GRB10: variants seen among roughly 807,000 people sequenced by gnomAD.
GRB10 encodes growth factor receptor bound protein 10, also known as growth factor receptor-bound protein 10.
In GRB10, 20 loss-of-function variants were observed where a neutral mutation model predicts 80.9. That is an observed-to-expected ratio of 0.25 (90% CI 0.17 to 0.36). The LOEUF (loss-of-function observed/expected upper bound fraction) is 0.36. GRB10 is among the 10% of genes least tolerant of loss of function. The pLI, the probability that GRB10 is intolerant of heterozygous loss-of-function variation, is 1.00. For missense variants in GRB10, 548 were observed against 747.7 expected (o/e 0.73, Z 3.12); for synonymous variants, 291 against 291.5 (o/e 1.00, Z 0.02).
At chr7:50,605,513 C>A in intron 14 of GRB10, 107 bp from the exon 15 acceptor site, 1 of 928,348 alleles carries the variant, frequency 1.1e-6, no homozygotes. Context: ...CAGGGAATGC[C>A]TGCTTTCTAC....
At chr7:50,708,356 G>A (rs967723076) in intron 4 of GRB10, among the ~76,000 whole-genome samples, 20 of 152,144 alleles carry the variant, frequency 1.3e-4, no homozygotes, top group African/African-American at 4.8e-4. Context: ...AAGATTTCAT[G>A]GTATGACAAA....
chr7:50,598,250 A>G (rs2046997793), intron 17 of GRB10, among the ~76,000 whole-genome samples: 1 of 152,250 alleles, frequency 6.6e-6, no homozygotes, highest in South Asian at 2.1e-4. Flanking sequence ...AATACAAGGT[A>G]GCTTGAAATA....
chr7:50,606,011 C>G (rs925247863), intron 14 of GRB10, among the ~76,000 whole-genome samples: 27 of 152,166 alleles, frequency 1.8e-4, no homozygotes, highest in African/African-American at 6.0e-4. Flanking sequence ...GTTTAAGGAA[C>G]AAAAGCGAAA....
intron 7 of GRB10, among the ~76,000 whole-genome samples, chr7:50,657,621 A>C (rs1042115980): frequency 6.6e-6 from 1 of 152,244 alleles, no homozygotes; most frequent in Non-Finnish European, 1.5e-5. Context: ...CTCTGTTGTA[A>C]GATGACAGCG....
At chr7:50,714,028 C>A (rs150455415) in intron 4 of GRB10, among the ~76,000 whole-genome samples, 26 of 152,070 alleles carry the variant, frequency 1.7e-4, no homozygotes, top group African/African-American at 6.3e-4. Context: ...ATCTCTATAT[C>A]CTCCTCCCCC....
intron 3 of GRB10, among the ~76,000 whole-genome samples, chr7:50,755,117 G>A (rs1015200825): frequency 1.3e-5 from 2 of 152,214 alleles, no homozygotes; most frequent in Non-Finnish European, 1.5e-5. Flanking sequence ...GCCAGTCTGC[G>A]GGATACTGCG....
chr7:50,766,493 A>AG (rs1364529213), intron 2 of GRB10, among the ~76,000 whole-genome samples: 1 of 152,216 alleles, frequency 6.6e-6, no homozygotes, highest in Non-Finnish European at 1.5e-5. Flanking sequence ...TTTAAAAAAA[A>AG]GGGGCGGGTT....
intron 12 of GRB10, among the ~76,000 whole-genome samples, chr7:50,613,408 A>G (rs746011704): frequency 2.0e-5 from 3 of 152,098 alleles, no homozygotes; most frequent in African/African-American, 2.4e-5. Context: ...GGAGAATGAG[A>G]CAGAAGGGGA....
intron 7 of GRB10, among the ~76,000 whole-genome samples, chr7:50,639,600 G>A (rs904821910): frequency 1.3e-5 from 2 of 152,076 alleles, no homozygotes; most frequent in Non-Finnish European, 2.9e-5. Flanking sequence ...GTGAACCGGG[G>A]AGGCGGAGCT....
chr7:50,713,821 TCCA>T (rs1328003516), intron 4 of GRB10, among the ~76,000 whole-genome samples: 2 of 138,072 alleles, frequency 1.4e-5, no homozygotes, highest in Non-Finnish European at 3.2e-5. Flanking sequence ...TTCCACCATC[TCCA>T]CCATCACCTC....
At chr7:50,731,644 T>C (rs1400826806) in intron 4 of GRB10, among the ~76,000 whole-genome samples, 1 of 152,194 alleles carries the variant, frequency 6.6e-6, no homozygotes, top group African/African-American at 2.4e-5. Context: ...AAATAAAATC[T>C]GTTTCAGAAG....
At chr7:50,598,752 G>A (rs2153563511) in intron 17 of GRB10, among the ~76,000 whole-genome samples, 1 of 152,348 alleles carries the variant, frequency 6.6e-6, no homozygotes, top group Non-Finnish European at 1.5e-5. Flanking sequence ...TGCTATGTGA[G>A]TCCTGGGGAT....
At chr7:50,683,168 C>T (rs957551709) in intron 5 of GRB10, among the ~76,000 whole-genome samples, 8 of 152,142 alleles carry the variant, frequency 5.3e-5, no homozygotes, top group Admixed American at 1.3e-4. Flanking sequence ...GCCTCTGAAA[C>T]GCACTAGAAC....
intron 5 of GRB10, among the ~76,000 whole-genome samples, chr7:50,700,282 CTATTT>C (rs1456746360): frequency 1.3e-5 from 2 of 152,140 alleles, no homozygotes; most frequent in Admixed American, 6.5e-5. Context: ...CTTCAAGAGT[CTATTT>C]TGTTTTTACA....
chr7:50,592,936 G>T lies in GRB10; in HGVS notation c.*16C>A, dbSNP rs576031631. 1.2e-6 allele frequency: 2 copies of T among 1,613,616 alleles called. No homozygotes were observed. The highest frequency in any genetic ancestry group is 8.5e-7 in the Non-Finnish European group (1 of 1,179,676). On this transcript the variant is annotated 3_prime_UTR_variant, in exon 19 of 19. Transcript: ENST00000401949. ...TGTTCACTTCCTCCAGTCTTCAGCCGAGAGGACATCTGCGGTCATAAGGCC... is the reference window on the plus strand; with the variant it reads ...TGTTCACTTCCTCCAGTCTTCAGCCTAGAGGACATCTGCGGTCATAAGGCC...
At chr7:50,723,863 G>C (rs948454648) in intron 4 of GRB10, among the ~76,000 whole-genome samples, 2 of 152,236 alleles carry the variant, frequency 1.3e-5, no homozygotes, top group Non-Finnish European at 2.9e-5. Flanking sequence ...AAGGCAAACA[G>C]ACATAGGAAG....
At chr7:50,715,147 C>T (rs115537651) in intron 4 of GRB10, among the ~76,000 whole-genome samples, 6,300 of 151,384 alleles carry the variant, frequency 0.042, 456 homozygotes, top group African/African-American at 0.15. Flanking sequence ...AAGCTGGAGG[C>T]GGAATGAGGT....
chr7:50,707,287 G>T (rs558639634), intron 4 of GRB10, among the ~76,000 whole-genome samples: 1 of 152,262 alleles, frequency 6.6e-6, no homozygotes, highest in South Asian at 2.1e-4. Flanking sequence ...AAAAGTAGTT[G>T]ATCAGTTCTA....
chr7:50,637,389 T>C (rs921113323), intron 7 of GRB10, among the ~76,000 whole-genome samples: 5 of 152,122 alleles, frequency 3.3e-5, no homozygotes, highest in Non-Finnish European at 7.3e-5. Flanking sequence ...ACAACAATAA[T>C]ATTCAAGCTG....
Sources: gnomAD v4.1 joint callset for allele counts (sites outside exome capture counted in the v4.1 genomes callset) on GRCh38, gnomAD v4.1.1 for gene constraint, MANE v1.5 for transcripts, NCBI Gene and HGNC (gene_info 2026-07-23, HGNC 2026-07-21) for gene names.